TNS3: variants seen among roughly 807,000 people sequenced by gnomAD.
TNS3 encodes the protein tensin 3, also known as tensin-3.
Under a neutral mutation model 140.9 loss-of-function variants are expected in TNS3, and 45 were observed. That is an observed-to-expected ratio of 0.32 (90% CI 0.25 to 0.41). The LOEUF (loss-of-function observed/expected upper bound fraction) is 0.41. Among genes scored for constraint, TNS3 ranks in the 10% least tolerant of loss-of-function variants. The pLI is 1.00. For synonymous variants in TNS3, 815 were observed against 788.4 expected (o/e 1.03, Z -0.56); for missense variants, 1,716 against 1,906.7 (o/e 0.90, Z 1.86).
intron 1 of TNS3, among the ~76,000 whole-genome samples, chr7:47,578,785 A>G (rs118120053): frequency 0.013 from 2,010 of 152,356 alleles, 25 homozygotes; most frequent in Non-Finnish European, 0.018. Flanking sequence ...TTCTGCTTTT[A>G]CGAGAAACGG....
intron 24 of TNS3, among the ~76,000 whole-genome samples, chr7:47,295,923 AACCAGGT>A (rs1422913537): frequency 6.6e-6 from 1 of 152,210 alleles, no homozygotes; most frequent in African/African-American, 2.4e-5. Flanking sequence ...AGCATGAGTG[AACCAGGT>A]GGGTGTCTCA....
At chr7:47,531,891 C>A (rs1385394925) in intron 1 of TNS3, among the ~76,000 whole-genome samples, 1 of 152,166 alleles carries the variant, frequency 6.6e-6, no homozygotes, top group Non-Finnish European at 1.5e-5. Flanking sequence ...GATCTGCCCC[C>A]CGGGGTGCAG....
intron 21 of TNS3, 128 bp from the exon 22 acceptor site, chr7:47,303,712 G>A: frequency 8.4e-7 from 1 of 1,186,786 alleles, no homozygotes; most frequent in Non-Finnish European, 1.1e-6. Context: ...AGGCAGCACA[G>A]GAGGTATTTT....
chr7:47,344,618 C>T (rs568908269), intron 20 of TNS3, 137 bp downstream of exon 20: 1 of 830,346 alleles, frequency 1.2e-6, no homozygotes, highest in East Asian at 2.6e-5. Flanking sequence ...CCAGCAAGAT[C>T]CATCCTCATC....
chr7:47,396,774 A>C (rs1258656949), intron 16 of TNS3, 26 bp downstream of exon 16: 2 of 1,584,332 alleles, frequency 1.3e-6, no homozygotes, highest in Non-Finnish European at 1.7e-6. Flanking sequence ...TGCCTCCATA[A>C]CTGCACACAA....
intron 1 of TNS3, among the ~76,000 whole-genome samples, chr7:47,537,503 C>G (rs945183150): frequency 6.6e-6 from 1 of 152,016 alleles, no homozygotes; most frequent in African/African-American, 2.4e-5. Context: ...GCCTTCCAGG[C>G]GGGGGGAGCA....
intron 20 of TNS3, among the ~76,000 whole-genome samples, chr7:47,328,314 G>GC (rs1788142423): frequency 6.6e-6 from 1 of 152,206 alleles, no homozygotes; most frequent in Non-Finnish European, 1.5e-5. Flanking sequence ...GACGGCCCTG[G>GC]CCCCGCCTTG....
Position 47,336,797 on chromosome 7 carries a change from C to T in TNS3, c.2650+7958G>A, listed in dbSNP as rs142985599. On this transcript the variant is annotated intron_variant, in intron 20 of 30. Transcript: ENST00000311160. ...AATTATAAACTAAGTGCCCAAAGGA[C>T]CTGGAGAGAAACACAGAGAAGCGTG... 5.9e-3 allele frequency among the ~76,000 whole-genome samples: 894 copies of T among 152,266 alleles called. 4 individuals carry two copies. The highest frequency in any genetic ancestry group is 0.011 in the Non-Finnish European group (720 of 68,014).
At chr7:47,302,499 C>T (rs927059739) in intron 22 of TNS3, among the ~76,000 whole-genome samples, 1 of 152,176 alleles carries the variant, frequency 6.6e-6, no homozygotes, top group Non-Finnish European at 1.5e-5. Flanking sequence ...CTTTGCAATA[C>T]ATTTTAAGAA....
Position 47,506,944 on chromosome 7 carries a change from G to T in TNS3, c.-152C>A. 1 of 1,285,422 alleles carries T rather than the reference G, an allele frequency of 7.8e-7. No individual in the cohort carries two copies. Among genetic ancestry groups the T allele is most frequent in the Non-Finnish European group, 1.0e-6 (1 of 987,534 alleles). The allele number at this position is 1,285,422 out of a possible 1,614,324, so 79.6% of individuals were successfully genotyped here. On this transcript the variant is annotated splice_region_variant and 5_prime_UTR_variant, in exon 3 of 31. Transcript: ENST00000311160. Reference sequence around the variant, plus strand: ...TTTCTTGTGGCAGGAATACTTGCAGGCTGGGAAAAAAAAAAAGAGAAAGAA... The same window carrying T: ...TTTCTTGTGGCAGGAATACTTGCAGTCTGGGAAAAAAAAAAAGAGAAAGAA...
Position 47,341,402 on chromosome 7 carries a change from T to C in TNS3, c.2650+3353A>G, listed in dbSNP as rs1201320074. 3.3e-5 allele frequency among the ~76,000 whole-genome samples: 5 copies of C among 152,236 alleles called. No individual in the cohort carries two copies. In the East Asian group the frequency reaches 9.6e-4, roughly 29 times the overall value. ...GGGAGATTATAAATTACTAGGTCAA[T>C]TTCCTTATAGTTACAGGGTATTCAA... On this transcript the variant is annotated intron_variant, in intron 20 of 30. Transcript: ENST00000311160.
At chr7:47,430,727 CT>C (rs34682970) in intron 8 of TNS3, among the ~76,000 whole-genome samples, 39,648 of 144,876 alleles carry the variant, frequency 0.27, 6,085 homozygotes, top group Non-Finnish European at 0.35. Flanking sequence ...AGTATTTTTT[CT>C]TTTTTTTTTT....
intron 4 of TNS3, among the ~76,000 whole-genome samples, chr7:47,461,703 A>T (rs1796498943): frequency 6.6e-6 from 1 of 152,270 alleles, no homozygotes. Context: ...TGCAAATGCC[A>T]GTTGTACCAG....
chr7:47,572,796 C>T (rs1800588440), intron 1 of TNS3, among the ~76,000 whole-genome samples: 1 of 152,000 alleles, frequency 6.6e-6, no homozygotes, highest in Admixed American at 6.6e-5. Flanking sequence ...TTATTTGAAC[C>T]CGGGATGGGG....
At chr7:47,447,262 GTTTGT>G (rs1266199646) in intron 4 of TNS3, among the ~76,000 whole-genome samples, 2 of 150,730 alleles carry the variant, frequency 1.3e-5, no homozygotes, top group Non-Finnish European at 2.9e-5. Flanking sequence ...TTGTTTGTTT[GTTTGT>G]TTGTTTGTTT....
rs557117797 is a variant in TNS3, at chr7:47,289,155, G to T, written c.3928+2800C>A. Among the ~76,000 whole-genome samples, 10 of 152,246 alleles carry T rather than the reference G, an allele frequency of 6.6e-5. No individual in the cohort carries two copies. The South Asian group carries it at 1.9e-3, about 28-fold the overall frequency. The stretch of plus-strand genomic sequence containing the variant: ...TTTTACAGGGAAAAGCTACATAGAA[G>T]AATAATACAAATTGTAGAGGAAATA... On this transcript the variant is annotated intron_variant, in intron 27 of 30. Coordinates refer to ENST00000311160, the MANE Select transcript of TNS3 (RefSeq NM_022748.12).
intron 12 of TNS3, among the ~76,000 whole-genome samples, chr7:47,413,229 G>C (rs1469953383): frequency 2.1e-5 from 3 of 145,086 alleles, no homozygotes; most frequent in African/African-American, 7.6e-5. Flanking sequence ...TGGGATTACA[G>C]GTGTGAGCCA....
intron 1 of TNS3, among the ~76,000 whole-genome samples, chr7:47,544,070 C>G (rs532340659): frequency 7.0e-4 from 107 of 152,342 alleles, no homozygotes; most frequent in African/African-American, 2.4e-3. Flanking sequence ...CAAAACAGAG[C>G]TGTTTCATTA....
At chr7:47,370,626 TCCTTACCAA>T (rs1224997898) in intron 16 of TNS3, among the ~76,000 whole-genome samples, 4 of 152,216 alleles carry the variant, frequency 2.6e-5, no homozygotes, top group African/African-American at 9.6e-5. Context: ...ACATAGCAGG[TCCTTACCAA>T]GAGCCTCCTA....
Sources: allele counts gnomAD v4.1 joint callset (sites outside exome capture counted in the v4.1 genomes callset), GRCh38; gene constraint gnomAD v4.1.1; transcripts MANE v1.5; gene names NCBI Gene and HGNC (gene_info 2026-07-23, HGNC 2026-07-21).